Variants in ADCK5 observed in about 807,000 individuals in gnomAD.
ADCK5 encodes uncharacterized aarF domain-containing protein kinase 5.
ADCK5 carries 43 observed loss-of-function variants against 64.9 expected under a neutral mutation model. The ratio of observed to expected loss-of-function variants is 0.66; its 90% CI spans 0.52 to 0.85. ADCK5 has a LOEUF of 0.85. Among genes scored for constraint, ADCK5 ranks in the 40% least tolerant of loss-of-function variants. The probability of loss-of-function intolerance (pLI) is 0.00; values close to 1 mark genes in which losing one functional copy is unlikely to be tolerated. For synonymous variants in ADCK5, 434 were observed against 342.8 expected, an observed-to-expected ratio of 1.27 and a Z score of -2.94; for missense variants, 760 against 810.5, an observed-to-expected ratio of 0.94 and a Z score of 0.76.
In ADCK5 at chr8:144,389,875, C is replaced by A. The variant is rs1473189395; in HGVS notation, c.267-796C>A. ...CCGAGTTTCGCTCTTGTTGCCCAGG[C>A]TGGAGTGCAATGGCGCGATCTTGGC... On this transcript the variant is annotated intron_variant, in intron 3 of 14. Coordinates refer to ENST00000308860, the MANE Select transcript of ADCK5 (RefSeq NM_174922.5). Among the ~76,000 whole-genome samples, 3 of 150,280 alleles carry A rather than the reference C, an allele frequency of 2.0e-5. No homozygotes were observed. The South Asian group carries it at 6.3e-4, about 32-fold the overall frequency.
chr8:144,392,258 C>T lies in ADCK5; in HGVS notation c.1180C>T (p.Arg394Cys), dbSNP rs1415046976. 6 of 1,532,072 alleles carry T rather than the reference C, an allele frequency of 3.9e-6. No homozygotes were observed. Among genetic ancestry groups the T allele is most frequent in the Non-Finnish European group, 5.3e-6 (6 of 1,142,678 alleles). 94.9% of individuals were successfully genotyped at this position (1,532,072 alleles called of 1,614,324 possible). ...TGCGGGCCCATCCACACCCAGGGAC[C>T]GCGCAGCCCTCTGCCAGCTGTGGCG... is the stretch of plus-strand genomic sequence containing the variant. ...GLYQFLEEKD[R>C]AALCQLWRAI... Residue 394 changes from arginine (R) to cysteine (C), a missense_variant, in exon 12 of 15, where the codon CGC becomes TGC. Arg to Cys is a radical substitution (Grantham distance 180, BLOSUM62 -3). This residue lies in a region of ADCK5 where 333 missense variants were observed against 292.0 expected (regional missense o/e 1.14). Coordinates refer to ENST00000308860, the MANE Select transcript of ADCK5 (RefSeq NM_174922.5).
At position 144,376,706 on chromosome 8, in the gene ADCK5, C is replaced by G. The variant is rs564842395; in HGVS notation, c.12+2599C>G. ...GAGGTAGCTCCCTTGCAGCCACTTA[C>G]GAGCTGCTGTTCAGAGTCTCTCCAC... On this transcript the variant is annotated intron_variant, in intron 1 of 14. Coordinates refer to ENST00000308860, the MANE Select transcript of ADCK5 (RefSeq NM_174922.5). This position sits in a 1 kb window ranked among gnomAD's most constrained non-coding sequence, Gnocchi z 5.1. Among the ~76,000 whole-genome samples, 77 of 152,162 alleles carry G rather than the reference C, an allele frequency of 5.1e-4. No homozygotes were observed. Among genetic ancestry groups the G allele is most frequent in the African/African-American group, 1.8e-3 (76 of 41,528 alleles).
chr8:144,391,743 A>G (rs1820241276), intron 8 of ADCK5, 32 bp downstream of exon 8: 1 of 1,538,466 alleles, frequency 6.5e-7, no homozygotes, highest in East Asian at 2.4e-5. Flanking sequence ...GGGTGGGCAC[A>G]GCGCTGGGCC....
chr8:144,373,261 G>C (rs1037215930), upstream of ADCK5: 1 of 153,684 alleles, frequency 6.5e-6, no homozygotes, highest in Admixed American at 6.5e-5. Context: ...GGACGGTGAG[G>C]TCAGTCCAGC....
In ADCK5 at chr8:144,390,840, C is replaced by A. The variant is rs1554860259; in HGVS notation, c.343-16C>A. 1 of 1,611,398 alleles carries A rather than the reference C, an allele frequency of 6.2e-7. No individual in the cohort carries two copies. Among genetic ancestry groups the A allele is most frequent in the Admixed American group, 1.7e-5 (1 of 59,944 alleles). The stretch of plus-strand genomic sequence containing the variant: ...AGCCACCTGTCCCCATGTGTTCTCC[C>A]CATGCCTGTGGTCAGAACAGCCCAG... On this transcript the variant is annotated splice_polypyrimidine_tract_variant and intron_variant, in intron 4 of 14. Coordinates refer to ENST00000308860, the MANE Select transcript of ADCK5 (RefSeq NM_174922.5).
chr8:144,390,208 T>G (rs1313798006), intron 3 of ADCK5, among the ~76,000 whole-genome samples: 1 of 151,426 alleles, frequency 6.6e-6, no homozygotes, highest in Non-Finnish European at 1.5e-5. Flanking sequence ...CTTACTGCAG[T>G]CTCCACCTCC....
intron 12 of ADCK5, 24 bp from the exon 13 acceptor site, chr8:144,392,421 C>CAACCA: frequency 7.0e-7 from 1 of 1,432,136 alleles, no homozygotes; most frequent in Non-Finnish European, 9.2e-7. Flanking sequence ...AGCCCCCTCC[C>CAACCA]TCCCTCCCTC....
upstream of ADCK5, chr8:144,374,043 C>T: frequency 8.0e-7 from 1 of 1,243,832 alleles, no homozygotes; most frequent in Non-Finnish European, 1.0e-6. Flanking sequence ...GCCTGCTGGG[C>T]TGCGAGACGC....
At chr8:144,392,931 TC>T in intron 14 of ADCK5, 37 bp from the exon 15 acceptor site, 2 of 1,585,358 alleles carry the variant, frequency 1.3e-6, no homozygotes, top group South Asian at 1.1e-5. Context: ...GGGGGCCTGC[TC>T]CCCACCCACC....
chr8:144,388,631 G>A (rs1355373093), intron 3 of ADCK5, among the ~76,000 whole-genome samples: 4 of 152,006 alleles, frequency 2.6e-5, no homozygotes, highest in Non-Finnish European at 5.9e-5. Flanking sequence ...CGGGCGTGGT[G>A]TTGGGCGCCT....
Position 144,383,142 on chromosome 8 carries a change from C to T in ADCK5, c.178C>T (p.Leu60=), listed in dbSNP as rs782488454. ...VLSTAVVGAP[L]LLGARYVMAE... ...CTCCACCGCGGTAGTGGGGGCGCCC[C>T]TGCTCCTCGGAGCCCGCTATGTCAT... Residue 60 remains leucine (L), a synonymous_variant, in exon 3 of 15, where the codon CTG becomes TTG. Transcript: ENST00000308860. 6 of 1,590,832 alleles carry T rather than the reference C, an allele frequency of 3.8e-6. No individual in the cohort carries two copies. The highest frequency in any genetic ancestry group is 5.1e-6 in the Non-Finnish European group (6 of 1,169,024).
rs1819850235 is a variant in ADCK5 at position 144,385,074 on chromosome 8, A to G, written c.266+1844A>G. Among the ~76,000 whole-genome samples the G allele has an allele frequency of 2.6e-5, 4 of 152,214 alleles. No homozygotes were observed. In the South Asian group the frequency reaches 8.3e-4, roughly 32 times the overall value. ...ATGAGAAAAGGCAGCAGAGGTCAGA[A>G]CAGGCCACAGGTACCCAAATGATCA... On this transcript the variant is annotated intron_variant, in intron 3 of 14. Coordinates refer to ENST00000308860, the MANE Select transcript of ADCK5 (RefSeq NM_174922.5).
intron 2 of ADCK5, 73 bp downstream of exon 2, chr8:144,379,563 G>A: frequency 8.0e-7 from 1 of 1,249,492 alleles, no homozygotes; most frequent in Non-Finnish European, 1.1e-6. Context: ...ATGCAGAGGT[G>A]GCAGTCGAGG....
At chr8:144,387,239 C>T (rs1254638236) in intron 3 of ADCK5, among the ~76,000 whole-genome samples, 10 of 152,092 alleles carry the variant, frequency 6.6e-5, no homozygotes, top group African/African-American at 1.9e-4. Flanking sequence ...TGGTCATATT[C>T]GTCATCTGTT....
At chr8:144,385,319 G>A (rs79592296) in intron 3 of ADCK5, among the ~76,000 whole-genome samples, 7 of 151,604 alleles carry the variant, frequency 4.6e-5, no homozygotes, top group Non-Finnish European at 8.8e-5. Context: ...AAGCAGCTGG[G>A]ATTTCGGGTG....
upstream of ADCK5, chr8:144,373,920 G>C (rs1334321058): frequency 5.7e-6 from 4 of 703,526 alleles, no homozygotes; most frequent in Non-Finnish European, 7.8e-6. Context: ...GCCAGGGGAC[G>C]CTGCCCCGCC....
rs564436714 is a variant in ADCK5 at position 144,389,228 on chromosome 8, C to G, written c.267-1443C>G. On this transcript the variant is annotated intron_variant, in intron 3 of 14. Coordinates refer to ENST00000308860, the MANE Select transcript of ADCK5 (RefSeq NM_174922.5). ...CTCAACAGATACCCAGGATGTCCCC[C>G]ACTTCCTGCCTTAACTGGGCTCTCT... 9.6e-5 allele frequency: 44 copies of G among 456,072 alleles called. 1 individual carries two copies. Among genetic ancestry groups the G allele is most frequent in the South Asian group, 6.7e-4 (43 of 64,542 alleles). 28.3% of individuals were successfully genotyped at this position (456,072 alleles called of 1,614,324 possible). A position where few individuals can be genotyped will look rare whatever the true frequency, so the allele number is the denominator to read the frequency against.
intron 3 of ADCK5, among the ~76,000 whole-genome samples, chr8:144,385,685 C>T (rs952776706): frequency 8.6e-5 from 13 of 151,164 alleles, no homozygotes; most frequent in Admixed American, 5.9e-4. Flanking sequence ...TATATGTGGC[C>T]GGGCATGGTG....
chr8:144,392,783 C>A lies in ADCK5; in HGVS notation c.1528C>A (p.Arg510=). Residue 510 remains arginine (R), a synonymous_variant, in exon 14 of 15, where the codon CGG becomes AGG. Transcript: ENST00000308860. The part of the protein sequence containing the change: ...RYFLMAKRAV[R]GWSRLAGATY... Reference sequence around the variant, plus strand: ...TAACGCGGGTGTGTGCAGGGCTGTCCGGGGCTGGAGCCGCCTGGCGGGCGC... The same window carrying A: ...TAACGCGGGTGTGTGCAGGGCTGTCAGGGGCTGGAGCCGCCTGGCGGGCGC... 1 of 1,593,024 alleles carries A rather than the reference C, an allele frequency of 6.3e-7. No homozygotes were observed.
Sources: gnomAD v4.1 joint callset for allele counts (sites outside exome capture counted in the v4.1 genomes callset) on GRCh38, gnomAD v4.1.1 for gene constraint, gnomAD v4.1.1 regional missense constraint, Gnocchi (gnomAD v3.1) non-coding constraint, MANE v1.5 for transcripts, NCBI Gene and HGNC (gene_info 2026-07-23, HGNC 2026-07-21) for gene names.